The following NR2F1-AS1 variants were observed in gnomAD, a reference collection of about 807,000 sequenced individuals.
NR2F1-AS1 encodes NR2F1 antisense RNA 1.
At chr5:93,504,618 G>C (rs1000383242) in intron 4 of NR2F1-AS1, among the ~76,000 whole-genome samples, 1 of 152,126 alleles carries the variant, frequency 6.6e-6, no homozygotes, top group African/African-American at 2.4e-5. Flanking sequence ...GGAGGCCTCA[G>C]AATCACGGTG....
Position 93,480,219 on chromosome 5 carries a change from T to C in NR2F1-AS1, n.638+73542A>G, listed in dbSNP as rs374956943. 4.3e-4 allele frequency among the ~76,000 whole-genome samples: 66 copies of C among 152,282 alleles called. No homozygotes were observed. The South Asian group carries it at 0.013, about 31-fold the overall frequency. ...ATGAGATCCACACAAAGACACATTA[T>C]AATCAAACTGCTGATAGACAAAGAC... On this transcript the variant is annotated intron_variant and non_coding_transcript_variant, in intron 4 of 5. Coordinates refer to ENST00000660523, the Ensembl canonical transcript of NR2F1-AS1.
At chr5:93,519,346 T>A (rs542092077) in intron 4 of NR2F1-AS1, among the ~76,000 whole-genome samples, 1 of 152,042 alleles carries the variant, frequency 6.6e-6, no homozygotes, top group Non-Finnish European at 1.5e-5. Flanking sequence ...CAAATCTTTA[T>A]ATGCATATGT....
chr5:93,451,590 G>A (rs75495696), intron 4 of NR2F1-AS1, among the ~76,000 whole-genome samples: 1 of 151,792 alleles, frequency 6.6e-6, no homozygotes, highest in African/African-American at 2.4e-5. Context: ...TTTTGTAGAG[G>A]GGGGGTTCTG....
At chr5:93,561,287 T>C (rs1468715729) in intron 2 of NR2F1-AS1, among the ~76,000 whole-genome samples, 1 of 152,096 alleles carries the variant, frequency 6.6e-6, no homozygotes, top group Non-Finnish European at 1.5e-5. Context: ...CTATCTGCAC[T>C]GGTCAAATTT....
intron 4 of NR2F1-AS1, among the ~76,000 whole-genome samples, chr5:93,499,847 G>A (rs1751041439): frequency 6.6e-6 from 1 of 152,230 alleles, no homozygotes; most frequent in Admixed American, 6.5e-5. Context: ...TATTGCTGAT[G>A]CAGAGAAAGC....
chr5:93,486,403 A>G (rs905715608), intron 4 of NR2F1-AS1, among the ~76,000 whole-genome samples: 2 of 152,174 alleles, frequency 1.3e-5, no homozygotes, highest in African/African-American at 4.8e-5. Context: ...AAAAAATGAT[A>G]AAGGTGATAT....
At chr5:93,495,048 C>T (rs1750929519) in intron 4 of NR2F1-AS1, among the ~76,000 whole-genome samples, 1 of 152,006 alleles carries the variant, frequency 6.6e-6, no homozygotes, top group Admixed American at 6.6e-5. Context: ...ATTCCTTCTA[C>T]ATGACAAAAA....
chr5:93,427,478 T>C, intron 4 of NR2F1-AS1, among the ~76,000 whole-genome samples: 1 of 152,184 alleles, frequency 6.6e-6, no homozygotes, highest in Middle Eastern at 3.2e-3. Flanking sequence ...CATCTAACCC[T>C]GTAAATGAAA....
intron 4 of NR2F1-AS1, among the ~76,000 whole-genome samples, chr5:93,526,549 A>G (rs1015759761): frequency 6.6e-6 from 1 of 152,328 alleles, no homozygotes; most frequent in Middle Eastern, 3.4e-3. Context: ...CACAAAAAGG[A>G]AAATTTCAGG....
At chr5:93,577,659 A>G (rs527729085) in intron 1 of NR2F1-AS1, among the ~76,000 whole-genome samples, 1 of 152,346 alleles carries the variant, frequency 6.6e-6, no homozygotes, top group South Asian at 2.1e-4. Context: ...CATTTTAAAT[A>G]CATCTTCAAC....
intron 4 of NR2F1-AS1, among the ~76,000 whole-genome samples, chr5:93,517,331 C>T (rs1751417901): frequency 6.6e-6 from 1 of 151,948 alleles, no homozygotes; most frequent in Non-Finnish European, 1.5e-5. Flanking sequence ...ATAAAAGAGC[C>T]ACTTTCTCCA....
chr5:93,472,438 A>C (rs139263741), intron 4 of NR2F1-AS1, among the ~76,000 whole-genome samples: 28 of 152,024 alleles, frequency 1.8e-4, no homozygotes, highest in African/African-American at 5.8e-4. Flanking sequence ...TATTGAACCA[A>C]ATTAACTTGA....
rs1453280860 is a variant in NR2F1-AS1, at chr5:93,440,216, T to TCA, written n.639-44675_639-44674insTG. Among the ~76,000 whole-genome samples the TCA allele has an allele frequency of 6.5e-4, 97 of 150,100 alleles. 1 individual carries two copies. In the Middle Eastern group the frequency reaches 0.01, roughly 16 times the overall value. On this transcript the variant is annotated intron_variant and non_coding_transcript_variant, in intron 4 of 5. Transcript: ENST00000660523. The stretch of plus-strand genomic sequence containing the variant: ...CTGTCTCTCTCTCTCTCTCTCTCTC[T>TCA]CTCACACACACACACACACAGAGAA...
chr5:93,498,010 T>C (rs1445211780), intron 4 of NR2F1-AS1, among the ~76,000 whole-genome samples: 1 of 152,090 alleles, frequency 6.6e-6, no homozygotes, highest in Non-Finnish European at 1.5e-5. Flanking sequence ...AGAAGTATTA[T>C]GCCTCAAAGT....
chr5:93,436,985 C>CAA (rs34277476), intron 4 of NR2F1-AS1, among the ~76,000 whole-genome samples: 24 of 130,736 alleles, frequency 1.8e-4, no homozygotes, highest in Admixed American at 3.1e-4. Flanking sequence ...TCATTATCTC[C>CAA]AAAAAAAAAA....
At chr5:93,574,871 C>T (rs766752023) in intron 1 of NR2F1-AS1, among the ~76,000 whole-genome samples, 3 of 152,160 alleles carry the variant, frequency 2.0e-5, no homozygotes, top group Non-Finnish European at 2.9e-5. Context: ...TTGGACAGGG[C>T]GGCTCCTATG....
At chr5:93,511,672 T>C (rs1251912496) in intron 4 of NR2F1-AS1, among the ~76,000 whole-genome samples, 2 of 152,154 alleles carry the variant, frequency 1.3e-5, no homozygotes, top group East Asian at 1.9e-4. Flanking sequence ...CTGTCACCTG[T>C]TAGGAACTGG....
chr5:93,501,812 G>C (rs753272079), intron 4 of NR2F1-AS1, among the ~76,000 whole-genome samples: 2 of 152,178 alleles, frequency 1.3e-5, no homozygotes, highest in African/African-American at 4.8e-5. Context: ...TTTGAAAGAA[G>C]TTCTATTGTG....
At chr5:93,553,276 G>C (rs1752276147) in intron 4 of NR2F1-AS1, among the ~76,000 whole-genome samples, 1 of 151,992 alleles carries the variant, frequency 6.6e-6, no homozygotes, top group Admixed American at 6.6e-5. Flanking sequence ...TTTTAGTACA[G>C]ACAGGATTTC....
Sources: allele counts gnomAD v4.1 joint callset (sites outside exome capture counted in the v4.1 genomes callset), GRCh38; gene constraint gnomAD v4.1.1; transcripts MANE v1.5; gene names NCBI Gene and HGNC (gene_info 2026-07-23, HGNC 2026-07-21).